TBC1D4: variants seen among roughly 807,000 people sequenced by gnomAD.
The protein encoded by TBC1D4 is TBC (Tre-2, BUB2, CDC16) domain-containing protein.
In TBC1D4, 121 loss-of-function variants were observed where a neutral mutation model predicts 142.5. The observed-to-expected ratio is 0.85, with a 90% CI of 0.73 to 0.99. TBC1D4 has a LOEUF of 0.99. Among genes scored for constraint, TBC1D4 ranks in the 50% least tolerant of loss-of-function variants. The probability of loss-of-function intolerance (pLI) is 0.00; values close to 1 mark genes in which losing one functional copy is unlikely to be tolerated. For synonymous variants in TBC1D4, 630 were observed against 628.2 expected (o/e 1.00, Z -0.04); for missense variants, 1,475 against 1,606.6 (o/e 0.92, Z 1.40).
intron 1 of TBC1D4, among the ~76,000 whole-genome samples, chr13:75,408,244 C>G (rs1348872032): frequency 1.3e-5 from 2 of 152,160 alleles, no homozygotes; most frequent in Non-Finnish European, 2.9e-5. Flanking sequence ...TTCATTTAAG[C>G]ATTTTTTGGG....
intron 10 of TBC1D4, among the ~76,000 whole-genome samples, chr13:75,325,273 G>A (rs945905530): frequency 2.7e-5 from 4 of 149,718 alleles, no homozygotes; most frequent in South Asian, 2.1e-4. Context: ...TTTATTTTTT[G>A]TATCATAAAA....
chr13:75,323,351 A>G (rs987755645), intron 11 of TBC1D4, among the ~76,000 whole-genome samples: 1 of 152,152 alleles, frequency 6.6e-6, no homozygotes, highest in African/African-American at 2.4e-5. Context: ...CAAGCTATAC[A>G]CAAAAACAGG....
intron 4 of TBC1D4, among the ~76,000 whole-genome samples, chr13:75,351,647 C>A (rs1451726319): frequency 6.7e-6 from 1 of 148,768 alleles, no homozygotes; most frequent in Non-Finnish European, 1.5e-5. Flanking sequence ...TCAATTCCCA[C>A]CTATGAGTGA....
intron 1 of TBC1D4, among the ~76,000 whole-genome samples, chr13:75,400,613 ATGC>A (rs1212208488): frequency 1.2e-3 from 11 of 9,062 alleles, no homozygotes; most frequent in African/African-American, 1.5e-3. Context: ...GCCCACCACC[ATGC>A]CCAGCTAATT....
At chr13:75,326,126 C>T in intron 10 of TBC1D4, 71 bp downstream of exon 10, 2 of 1,540,578 alleles carry the variant, frequency 1.3e-6, no homozygotes, top group Non-Finnish European at 1.8e-6. Flanking sequence ...CACAATCCAC[C>T]TTGACTCCAG....
chr13:75,289,823 AC>A (rs564393599), intron 19 of TBC1D4, among the ~76,000 whole-genome samples: 2 of 152,256 alleles, frequency 1.3e-5, no homozygotes, highest in South Asian at 4.1e-4. Context: ...GTTACTCCAA[AC>A]TTCCTAGGGG....
intron 4 of TBC1D4, among the ~76,000 whole-genome samples, chr13:75,353,043 A>C (rs1414833332): frequency 6.6e-6 from 1 of 152,204 alleles, no homozygotes; most frequent in Non-Finnish European, 1.5e-5. Context: ...ACATGGTTTG[A>C]GAGATCCTAG....
chr13:75,347,775 T>C (rs1881270285), intron 5 of TBC1D4, among the ~76,000 whole-genome samples: 1 of 152,196 alleles, frequency 6.6e-6, no homozygotes, highest in South Asian at 2.1e-4. Context: ...TTTTAAATGC[T>C]TTATGTGTTT....
intron 8 of TBC1D4, among the ~76,000 whole-genome samples, chr13:75,329,567 A>G (rs562735922): frequency 1.3e-5 from 2 of 151,858 alleles, no homozygotes; most frequent in Non-Finnish European, 2.9e-5. Context: ...TTCACTATCA[A>G]CCTAGAAATT....
At chr13:75,364,327 A>T (rs900075461) in intron 1 of TBC1D4, among the ~76,000 whole-genome samples, 1 of 152,220 alleles carries the variant, frequency 6.6e-6, no homozygotes, top group Non-Finnish European at 1.5e-5. Context: ...ACCACAGATG[A>T]CCACAGGTGA....
At chr13:75,395,172 A>C (rs1443048013) in intron 1 of TBC1D4, among the ~76,000 whole-genome samples, 1 of 152,232 alleles carries the variant, frequency 6.6e-6, no homozygotes, top group Non-Finnish European at 1.5e-5. Context: ...CAAAGGTACA[A>C]GTTACCTGAA....
intron 1 of TBC1D4, among the ~76,000 whole-genome samples, chr13:75,421,645 TGAA>T (rs1886173597): frequency 6.6e-6 from 1 of 152,048 alleles, no homozygotes; most frequent in African/African-American, 2.4e-5. Context: ...AAACCTGAAA[TGAA>T]GCGGCATATC....
intron 3 of TBC1D4, among the ~76,000 whole-genome samples, chr13:75,357,838 G>GAA (rs1882172289): frequency 6.6e-6 from 1 of 152,146 alleles, no homozygotes; most frequent in African/African-American, 2.4e-5. Context: ...TTACCTCAAT[G>GAA]AAAGGCAGGG....
intron 17 of TBC1D4, among the ~76,000 whole-genome samples, chr13:75,297,966 G>A (rs922141651): frequency 3.4e-4 from 51 of 151,870 alleles, no homozygotes; most frequent in African/African-American, 1.2e-3. Flanking sequence ...AGAAAGTAAA[G>A]AAAAATGGAA....
rs1281803442 is a variant in TBC1D4, at chr13:75,349,311, A to G, written c.1276-9T>C. ...AGCATTACCTCATCAACCTACAGGA[A>G]GAAACAAAACTCAGGTCTATAAAAG... On this transcript the variant is annotated splice_polypyrimidine_tract_variant and intron_variant, in intron 4 of 20. Transcript: ENST00000377636. The G allele has an allele frequency of 1.2e-6, 2 of 1,613,756 alleles. No homozygotes were observed. Among genetic ancestry groups the G allele is most frequent in the East Asian group, 4.5e-5 (2 of 44,876 alleles).
intron 1 of TBC1D4, among the ~76,000 whole-genome samples, chr13:75,439,880 A>C (rs995474004): frequency 4.6e-5 from 7 of 152,210 alleles, no homozygotes; most frequent in African/African-American, 1.7e-4. Context: ...AAGAAAAGAA[A>C]AGAAAATTAA....
intron 7 of TBC1D4, 86 bp from the exon 8 acceptor site, chr13:75,337,126 TA>T (rs1203535333): frequency 7.8e-7 from 1 of 1,282,380 alleles, no homozygotes; most frequent in African/African-American, 1.5e-5. Flanking sequence ...ACTAAGCTAT[TA>T]AAAAACACAA....
Position 75,292,160 on chromosome 13 carries a change from A to G in TBC1D4, c.3428T>C (p.Phe1143Ser), listed in dbSNP as rs1446186580. The change falls in exon 19 of 21, where the codon TTT becomes TCT. Residue 1143 changes from phenylalanine (F) to serine (S), a missense_variant. Phe to Ser is a radical substitution (Grantham distance 155). Around this residue, in one of 2 missense-constraint regions of TBC1D4, gnomAD observed 248 missense variants for 338.9 expected, o/e 0.73. Transcript: ENST00000377636. The part of the protein sequence containing the change: ...ECESFENIVE[F>S]LKNTLPDMNT... ...CATATCAGGTAGCGTGTTTTTAAGA[A>G]ACTCAACAATATTTTCAAAGCTCTC... 4.3e-6 allele frequency: 7 copies of G among 1,613,394 alleles called. No individual in the cohort carries two copies. In the East Asian group the frequency reaches 1.3e-4, roughly 31 times the overall value.
chr13:75,441,619 G>T (rs944895612), intron 1 of TBC1D4, among the ~76,000 whole-genome samples: 1 of 152,032 alleles, frequency 6.6e-6, no homozygotes, highest in Non-Finnish European at 1.5e-5. Context: ...GCCCAGGAAC[G>T]TCTATGCACA....
Sources: allele counts gnomAD v4.1 joint callset (sites outside exome capture counted in the v4.1 genomes callset), GRCh38; gene constraint gnomAD v4.1.1; regional missense constraint gnomAD v4.1.1; transcripts MANE v1.5; gene names NCBI Gene and HGNC (gene_info 2026-07-23, HGNC 2026-07-21).